LRRIQ3: variants seen among roughly 807,000 people sequenced by gnomAD.
LRRIQ3 encodes leucine rich repeats and IQ motif containing 3.
A neutral mutation model predicts 59.3 loss-of-function variants in LRRIQ3; 75 were observed. The ratio of observed to expected loss-of-function variants is 1.26; its 90% CI spans 1.05 to 1.53. LRRIQ3 has a LOEUF of 1.53. Among genes scored for constraint, LRRIQ3 ranks in the 40% most tolerant of loss-of-function variants. The pLI, the probability that LRRIQ3 is intolerant of heterozygous loss-of-function variation, is 0.00. For synonymous variants in LRRIQ3, 250 were observed against 231.3 expected (o/e 1.08, Z -0.73); for missense variants, 831 against 710.0 (o/e 1.17, Z -1.94).
intron 5 of LRRIQ3, among the ~76,000 whole-genome samples, chr1:74,085,178 G>A (rs1448440677): frequency 6.6e-6 from 1 of 151,662 alleles, no homozygotes; most frequent in Non-Finnish European, 1.5e-5. Flanking sequence ...ATATGAAAAT[G>A]ATTATGTGAT....
intron 1 of LRRIQ3, among the ~76,000 whole-genome samples, chr1:74,186,181 A>C (rs780788393): frequency 6.6e-6 from 1 of 151,750 alleles, no homozygotes; most frequent in East Asian, 1.9e-4. Context: ...TGAAGATATT[A>C]TCTTCTTCCT....
chr1:74,178,238 ATACACT>A (rs1649764379), intron 3 of LRRIQ3, among the ~76,000 whole-genome samples: 1 of 151,944 alleles, frequency 6.6e-6, no homozygotes, highest in Admixed American at 6.6e-5. Flanking sequence ...TTCATTTATA[ATACACT>A]TACAATTTAC....
At chr1:74,185,158 T>C (rs1230730237) in intron 1 of LRRIQ3, among the ~76,000 whole-genome samples, 1 of 152,206 alleles carries the variant, frequency 6.6e-6, no homozygotes, top group Non-Finnish European at 1.5e-5. Flanking sequence ...TCAACTTACT[T>C]GGATAAATAC....
chr1:74,073,998 T>C (rs1470109832), intron 6 of LRRIQ3, among the ~76,000 whole-genome samples: 1 of 152,142 alleles, frequency 6.6e-6, no homozygotes, highest in African/African-American at 2.4e-5. Flanking sequence ...ACAAAAATGA[T>C]TATGACCAAA....
At chr1:74,132,030 C>T (rs998361975) in intron 4 of LRRIQ3, among the ~76,000 whole-genome samples, 1 of 152,136 alleles carries the variant, frequency 6.6e-6, no homozygotes, top group Non-Finnish European at 1.5e-5. Context: ...TCAGCAAAGT[C>T]TCAGGATACA....
chr1:74,038,169 C>T (rs978509498), intron 7 of LRRIQ3, among the ~76,000 whole-genome samples: 1 of 152,314 alleles, frequency 6.6e-6, no homozygotes, highest in African/African-American at 2.4e-5. Context: ...GTATCCCCCA[C>T]AGCCCAACAC....
chr1:74,099,918 G>A (rs890721434), intron 5 of LRRIQ3, among the ~76,000 whole-genome samples: 1 of 152,036 alleles, frequency 6.6e-6, no homozygotes, highest in Non-Finnish European at 1.5e-5. Flanking sequence ...AAAATAATAA[G>A]GGCTATCTAT....
intron 6 of LRRIQ3, among the ~76,000 whole-genome samples, chr1:74,052,849 T>G (rs1209419131): frequency 6.6e-6 from 1 of 152,224 alleles, no homozygotes; most frequent in Non-Finnish European, 1.5e-5. Flanking sequence ...GTAGGAATCT[T>G]ACACTTGATC....
chr1:74,084,785 T>C (rs1646309241), intron 5 of LRRIQ3, among the ~76,000 whole-genome samples: 1 of 151,794 alleles, frequency 6.6e-6, no homozygotes, highest in South Asian at 2.1e-4. Context: ...AACATTTTAA[T>C]TTTCTTTAAT....
intron 3 of LRRIQ3, among the ~76,000 whole-genome samples, chr1:74,175,911 T>G (rs1649608857): frequency 6.6e-6 from 1 of 152,156 alleles, no homozygotes; most frequent in Non-Finnish European, 1.5e-5. Flanking sequence ...TAACATCCCT[T>G]TACACTCCTG....
chr1:74,157,859 C>T (rs1648432182), intron 3 of LRRIQ3, among the ~76,000 whole-genome samples: 1 of 152,108 alleles, frequency 6.6e-6, no homozygotes, highest in South Asian at 2.1e-4. Context: ...GTGCTACAGA[C>T]TCTCAGATTT....
chr1:74,085,973 C>T (rs1233929913), intron 5 of LRRIQ3, among the ~76,000 whole-genome samples: 1 of 152,000 alleles, frequency 6.6e-6, no homozygotes, highest in African/African-American at 2.4e-5. Flanking sequence ...AGAAATAATG[C>T]TCCATCTCTG....
intron 3 of LRRIQ3, among the ~76,000 whole-genome samples, chr1:74,163,354 A>G (rs1376579279): frequency 6.6e-6 from 1 of 151,628 alleles, no homozygotes; most frequent in Non-Finnish European, 1.5e-5. Flanking sequence ...TATTTAAATC[A>G]GTATTTATAA....
chr1:74,159,329 C>T (rs1394796385), intron 3 of LRRIQ3, among the ~76,000 whole-genome samples: 1 of 152,144 alleles, frequency 6.6e-6, no homozygotes, highest in African/African-American at 2.4e-5. Flanking sequence ...TATAAGCTCA[C>T]CAAATTTAAC....
chr1:74,062,478 T>C (rs1654748155), intron 6 of LRRIQ3, among the ~76,000 whole-genome samples: 1 of 152,166 alleles, frequency 6.6e-6, no homozygotes, highest in African/African-American at 2.4e-5. Flanking sequence ...AGTTCACTCA[T>C]TGCAGAAAGC....
intron 7 of LRRIQ3, among the ~76,000 whole-genome samples, chr1:74,027,624 A>G (rs1653558863): frequency 6.6e-6 from 1 of 152,076 alleles, no homozygotes; most frequent in African/African-American, 2.4e-5. Flanking sequence ...TTACTGTTTA[A>G]GCCACCCAGC....
chr1:74,040,172 AC>A (rs1653999819), intron 7 of LRRIQ3, among the ~76,000 whole-genome samples: 1 of 152,226 alleles, frequency 6.6e-6, no homozygotes. Context: ...CTTTAAACCA[AC>A]AAAAATCAGA....
chr1:74,102,513 CT>C (rs1646550917), intron 5 of LRRIQ3, among the ~76,000 whole-genome samples: 1 of 151,980 alleles, frequency 6.6e-6, no homozygotes, highest in Non-Finnish European at 1.5e-5. Context: ...CTCCTTTGCG[CT>C]GTTTTTGAAA....
intron 5 of LRRIQ3, among the ~76,000 whole-genome samples, chr1:74,076,902 C>A (rs932120710): frequency 1.3e-5 from 2 of 152,034 alleles, no homozygotes; most frequent in Admixed American, 1.3e-4. Flanking sequence ...AAAATCACCT[C>A]ATTTTGCTAG....
Sources: allele counts gnomAD v4.1 joint callset (sites outside exome capture counted in the v4.1 genomes callset), GRCh38; gene constraint gnomAD v4.1.1; transcripts MANE v1.5; gene names NCBI Gene and HGNC (gene_info 2026-07-23, HGNC 2026-07-21).